ANK3: variants seen among roughly 807,000 people sequenced by gnomAD.
The protein encoded by ANK3 is ankyrin-3.
Under a neutral mutation model 370.9 loss-of-function variants are expected in ANK3, and 57 were observed. That is an observed-to-expected ratio of 0.15 (90% CI 0.12 to 0.19). The LOEUF is 0.19. Ranked by LOEUF, ANK3 falls within the 10% of genes least tolerant of loss-of-function variation. The pLI is 1.00. For synonymous variants in ANK3, 1,929 were observed against 1,946.3 expected, an observed-to-expected ratio of 0.99 and a Z score of 0.23; for missense variants, 4,439 against 5,302.1, an observed-to-expected ratio of 0.84 and a Z score of 5.06.
intron 16 of ANK3, among the ~76,000 whole-genome samples, chr10:60,188,646 A>G (rs188425038): frequency 6.6e-6 from 1 of 152,316 alleles, no homozygotes; most frequent in East Asian, 1.9e-4. Context: ...TCCAAGTCCA[A>G]CAGCATTCCT....
chr10:60,042,118 A>G (rs1800583405), intron 43 of ANK3, among the ~76,000 whole-genome samples: 1 of 152,248 alleles, frequency 6.6e-6, no homozygotes, highest in African/African-American at 2.4e-5. Context: ...AAGCTCACTT[A>G]CTAAACATTT....
chr10:60,175,182 C>T (rs1355713432), intron 18 of ANK3, among the ~76,000 whole-genome samples: 6 of 152,224 alleles, frequency 3.9e-5, no homozygotes, highest in Admixed American at 2.6e-4. Context: ...CCACAATTCT[C>T]TCCCTTGGTC....
intron 26 of ANK3, chr10:60,111,860 A>G: frequency 2.3e-6 from 1 of 431,260 alleles, no homozygotes; most frequent in South Asian, 1.7e-5. Flanking sequence ...AAGGAAAAAT[A>G]AAAACCATCA....
intron 2 of ANK3, among the ~76,000 whole-genome samples, chr10:60,495,491 T>A (rs1237625739): frequency 6.6e-6 from 1 of 152,136 alleles, no homozygotes; most frequent in African/African-American, 2.4e-5. Context: ...TGAGTTCTCA[T>A]TGAAATAATA....
At chr10:60,322,156 AG>A (rs994636669) in intron 1 of ANK3, among the ~76,000 whole-genome samples, 1 of 152,174 alleles carries the variant, frequency 6.6e-6, no homozygotes, top group Non-Finnish European at 1.5e-5. Context: ...GTAATTACAA[AG>A]ATTCATTTTT....
chr10:60,554,984 T>C (rs1567141954), intron 2 of ANK3, among the ~76,000 whole-genome samples: 1 of 152,166 alleles, frequency 6.6e-6, no homozygotes, highest in Non-Finnish European at 1.5e-5. Flanking sequence ...TTCCCAACTT[T>C]TCAGCTTTGT....
rs868677097 is a variant in ANK3 at position 60,074,034 on chromosome 10, C to T, written c.6847G>A (p.Gly2283Arg). 1.4e-5 allele frequency: 23 copies of T among 1,613,966 alleles called. No homozygotes were observed. Among genetic ancestry groups the T allele is most frequent in the Middle Eastern group, 3.3e-4 (2 of 6,082 alleles). Residue 2283 changes from glycine (G) to arginine (R), a missense_variant, in exon 37 of 44, where the codon GGG becomes AGG. Physicochemically the swap from Gly to Arg is moderately radical, Grantham distance 125. Coordinates refer to ENST00000280772, the MANE Select transcript of ANK3 (RefSeq NM_020987.5). ...VHDIMKAFQS[G>R]RDPSKELAGL... ...GCCAGTTCTTTGGAAGGATCCCGCCCGGACTGAAAGGCCTTCATGATGTCA... is the reference window on the plus strand; with the variant it reads ...GCCAGTTCTTTGGAAGGATCCCGCCTGGACTGAAAGGCCTTCATGATGTCA...
Position 60,080,521 on chromosome 10 carries a change from G to A in ANK3, c.4432+16C>T. On this transcript the variant is annotated intron_variant, in intron 36 of 43. Transcript: ENST00000280772. ...TGAAAATCCACGTAGATTAGTAAAT[G>A]TGTTAGGAAACTCACTCATTCCAGG... 1 of 1,604,330 alleles carries A rather than the reference G, an allele frequency of 6.2e-7. No homozygotes were observed. The highest frequency in any genetic ancestry group is 8.5e-7 in the Non-Finnish European group (1 of 1,172,238).
In ANK3 at chr10:60,533,777, C is replaced by G. The variant is rs79355649; in HGVS notation, c.96+81409G>C. 6.1e-4 allele frequency among the ~76,000 whole-genome samples: 93 copies of G among 152,200 alleles called. 1 individual carries two copies. The highest frequency in any genetic ancestry group is 2.0e-3 in the African/African-American group (84 of 41,572). On this transcript the variant is annotated intron_variant, in intron 2 of 43. Coordinates refer to the ANK3 transcript ENST00000373827. ...AAGGAAGAATATGGACTATTGTTCT[C>G]AAGCCTCTTTATACCATCTACCTTT...
At chr10:60,670,787 T>G (rs911954621) in intron 1 of ANK3, among the ~76,000 whole-genome samples, 3 of 152,234 alleles carry the variant, frequency 2.0e-5, no homozygotes, top group African/African-American at 7.2e-5. Flanking sequence ...AAGAAGGGCA[T>G]GTGCCTAAGG....
At chr10:60,142,194 T>C (rs1195160614) in intron 23 of ANK3, among the ~76,000 whole-genome samples, 1 of 152,200 alleles carries the variant, frequency 6.6e-6, no homozygotes, top group Non-Finnish European at 1.5e-5. Flanking sequence ...CCTCCTGTTA[T>C]ACAGAATTTT....
chr10:60,031,579 A>G (rs144766543), intron 43 of ANK3, among the ~76,000 whole-genome samples: 2 of 152,202 alleles, frequency 1.3e-5, no homozygotes, highest in East Asian at 3.9e-4. Context: ...GGCAAGAACA[A>G]TTTTAAGAAT....
chr10:60,229,717 G>A (rs2097212312), intron 8 of ANK3, among the ~76,000 whole-genome samples: 1 of 152,096 alleles, frequency 6.6e-6, no homozygotes, highest in Admixed American at 6.6e-5. Context: ...CGTTACCATA[G>A]GACCAGTATA....
At chr10:60,323,663 C>T (rs34314912) in intron 1 of ANK3, among the ~76,000 whole-genome samples, 3,311 of 151,932 alleles carry the variant, frequency 0.022, 58 homozygotes, top group Non-Finnish European at 0.033. Context: ...CAAGGGAAAA[C>T]GAAAAATGGA....
intron 1 of ANK3, among the ~76,000 whole-genome samples, chr10:60,282,781 G>T (rs894948959): frequency 6.6e-6 from 1 of 152,034 alleles, no homozygotes; most frequent in African/African-American, 2.4e-5. Flanking sequence ...GCCCTGTTAC[G>T]TATCAACATG....
intron 8 of ANK3, among the ~76,000 whole-genome samples, chr10:60,223,611 G>GA (rs35681627): frequency 1.3e-5 from 2 of 151,740 alleles, no homozygotes; most frequent in East Asian, 1.9e-4. Context: ...TCAGGCTAGT[G>GA]AAAAAAAATA....
intron 23 of ANK3, among the ~76,000 whole-genome samples, chr10:60,160,346 TTGAA>T (rs1292974386): frequency 3.9e-5 from 6 of 151,930 alleles, no homozygotes; most frequent in Admixed American, 3.3e-4. Flanking sequence ...CCTACAAAGA[TTGAA>T]TCATGAAGAA....
In ANK3 at chr10:60,422,038, T is replaced by C. The variant is rs72806174; in HGVS notation, c.97-142399A>G. 5.3e-3 allele frequency among the ~76,000 whole-genome samples: 805 copies of C among 152,260 alleles called. 4 individuals carry two copies. The highest frequency in any genetic ancestry group is 9.5e-3 in the South Asian group (46 of 4,828). ...TTAGACAAAAGTTCAAATCAGATAC[T>C]ATAGAGCAGGAATTTGAACATGGCT... On this transcript the variant is annotated intron_variant, in intron 2 of 43. Transcript: ENST00000373827.
chr10:60,326,990 A>C (rs1285492817), intron 1 of ANK3, among the ~76,000 whole-genome samples: 1 of 150,056 alleles, frequency 6.7e-6, no homozygotes, highest in Non-Finnish European at 1.5e-5. Flanking sequence ...ACTGCACTCC[A>C]GCCTGGGCGA....
Sources: gnomAD v4.1 joint callset for allele counts (sites outside exome capture counted in the v4.1 genomes callset) on GRCh38, gnomAD v4.1.1 for gene constraint, MANE v1.5 for transcripts, NCBI Gene and HGNC (gene_info 2026-07-23, HGNC 2026-07-21) for gene names.